The following ZNF841 variants were observed in gnomAD, a reference collection of about 807,000 sequenced individuals.
The protein encoded by ZNF841 is TCONS_00006091.
ZNF841 carries 11 observed loss-of-function variants against 13.0 expected under a neutral mutation model. The ratio of observed to expected loss-of-function variants is 0.85; its 90% CI spans 0.53 to 1.40. The LOEUF (loss-of-function observed/expected upper bound fraction) is 1.40, where lower values mean the gene tolerates loss of function less well. Ranked by LOEUF, ZNF841 falls within the 40% of genes most tolerant of loss-of-function variation. The probability of loss-of-function intolerance (pLI) is 0.00; values close to 1 mark genes in which losing one functional copy is unlikely to be tolerated. For synonymous variants in ZNF841, 369 were observed against 381.6 expected, an observed-to-expected ratio of 0.97 and a Z score of 0.38; for missense variants, 1,068 against 1,139.5, an observed-to-expected ratio of 0.94 and a Z score of 0.90.
At position 52,076,044 on chromosome 19, in the gene ZNF841, C is replaced by T. The variant is rs1034183452; in HGVS notation, c.271G>A (p.Gly91Ser). Residue 91 changes from glycine to serine, a missense_variant and splice_region_variant, in exon 6 of 7, where the codon GGT becomes AGT. Gly to Ser is a moderately conservative substitution (Grantham distance 56, BLOSUM62 0). Transcript: ENST00000594440. ...CGECMKGVIT[G>S]ISPKCVIKEL... ...CCATTGTGCCCATCTGAGCTCTTAC[C>T]GGTGATCACGCCTTTCATGCATTCC... The T allele has an allele frequency of 1.8e-5, 28 of 1,552,094 alleles. No homozygotes were observed. Among genetic ancestry groups the T allele is most frequent in the Middle Eastern group, 1.7e-4 (1 of 6,004 alleles).
chr19:52,075,962 C>G, intron 6 of ZNF841, 82 bp downstream of exon 6: 1 of 1,471,116 alleles, frequency 6.8e-7, no homozygotes, highest in Non-Finnish European at 9.1e-7. Flanking sequence ...AAATTTGTTT[C>G]CCCACAGAAC....
rs189598025 is a variant in ZNF841 at position 52,072,420 on chromosome 19, C to T, written c.271+3624G>A. The stretch of plus-strand genomic sequence containing the variant: ...ATGAAACATTTTTCAAAAGAAATAT[C>T]GGAAAAGAAAAAAAATTTTAAACTT... On this transcript the variant is annotated intron_variant, in intron 6 of 6. Coordinates refer to ENST00000594440, the MANE Select transcript of ZNF841 (RefSeq NM_001136499.2). 7.2e-5 allele frequency among the ~76,000 whole-genome samples: 11 copies of T among 151,942 alleles called. No homozygotes were observed. In the East Asian group the frequency reaches 1.7e-3, roughly 24 times the overall value.
rs1467049751 is a variant in ZNF841, at chr19:52,095,672, A to G, written c.-367T>C. On this transcript the variant is annotated 5_prime_UTR_variant, in exon 1 of 7. Coordinates refer to ENST00000594440, the MANE Select transcript of ZNF841 (RefSeq NM_001136499.2). The stretch of plus-strand genomic sequence containing the variant: ...GGACTGCGAAGTGCACGTTTAATCA[A>G]GGTAGACGAAGAGAAGCAAACGTTT... 1.3e-5 allele frequency: 2 copies of G among 152,300 alleles called. No homozygotes were observed. The highest frequency in any genetic ancestry group is 6.5e-5 in the Admixed American group (1 of 15,274). 9.4% of individuals were successfully genotyped at this position (152,300 alleles called of 1,614,324 possible). A position where few individuals can be genotyped will look rare whatever the true frequency, so the allele number is the denominator to read the frequency against.
chr19:52,059,368 A>T, the ZNF841 span, among the ~76,000 whole-genome samples: 755 of 89,922 alleles, frequency 8.4e-3, 3 homozygotes, highest in Middle Eastern at 0.015. Context: ...AAAAAAAAAA[A>T]AAATATATAT....
chr19:52,071,213 T>C (rs934290259), intron 6 of ZNF841, among the ~76,000 whole-genome samples: 3 of 152,216 alleles, frequency 2.0e-5, no homozygotes, highest in Admixed American at 6.5e-5. Flanking sequence ...GTCTCTATAA[T>C]ATTTGCTATG....
At position 52,065,125 on chromosome 19, in the gene ZNF841, G is replaced by C; in HGVS notation, c.2757C>G (p.Thr919=). The C allele has an allele frequency of 6.5e-7, 1 of 1,539,462 alleles. No individual in the cohort carries two copies. The highest frequency in any genetic ancestry group is 8.7e-7 in the Non-Finnish European group (1 of 1,145,948). The change falls in exon 7 of 7, where the codon ACC becomes ACG. Residue 919 remains threonine (T), a synonymous_variant. Coordinates refer to ENST00000594440, the MANE Select transcript of ZNF841 (RefSeq NM_001136499.2). ...NVERPLDVVL[T]SGIPK is the part of the protein sequence containing the mutation. The stretch of plus-strand genomic sequence containing the variant: ...GTATAAATTATTTGGGGATCCCAGA[G>C]GTTAGGACAACATCTAACGGCCTTT...
In ZNF841 at chr19:52,066,427, G is replaced by A; in HGVS notation, c.1455C>T (p.Tyr485=). The change falls in exon 7 of 7, where the codon TAC becomes TAT. Residue 485 remains tyrosine (Y), a synonymous_variant. Coordinates refer to ENST00000594440, the MANE Select transcript of ZNF841 (RefSeq NM_001136499.2). The stretch of plus-strand genomic sequence containing the variant: ...AGACCTTGCCACATTCATTACATTT[G>A]TAGGGTTTCTCTCCAGTATGAATTC... ...HRRIHTGEKP[Y]KCNECGKVFS... is the part of the protein sequence containing the mutation. 1 of 1,613,964 alleles carries A rather than the reference G, an allele frequency of 6.2e-7. No homozygotes were observed. Among genetic ancestry groups the A allele is most frequent in the Non-Finnish European group, 8.5e-7 (1 of 1,179,976 alleles).
rs541109044 is a variant in ZNF841 at position 52,065,111 on chromosome 19, T to C, written c.2771A>G (p.Lys924Arg). ...LDVVLTSGIP[K>R] is the part of the protein sequence containing the mutation. ...AGCTATATGAGTAAGTATAAATTAT[T>C]TGGGGATCCCAGAGGTTAGGACAAC... Residue 924 changes from lysine (K) to arginine (R), a missense_variant, in exon 7 of 7, where the codon AAA (lysine) becomes AGA (arginine). Lys to Arg is a conservative substitution (Grantham distance 26). Transcript: ENST00000594440. The C allele has an allele frequency of 5.3e-6, 8 of 1,512,878 alleles. No individual in the cohort carries two copies. In the African/African-American group the frequency reaches 9.8e-5, roughly 18 times the overall value. The allele number at this position is 1,512,878 out of a possible 1,614,324, so 93.7% of individuals were successfully genotyped here.
chr19:52,076,174 T>C lies in ZNF841; in HGVS notation c.143-2A>G. The C allele has an allele frequency of 5.2e-6, 8 of 1,551,210 alleles. No homozygotes were observed. The highest frequency in any genetic ancestry group is 7.0e-6 in the Non-Finnish European group (8 of 1,146,934). On this transcript the variant is annotated splice_acceptor_variant, in intron 5 of 6. Coordinates refer to ENST00000594440, the MANE Select transcript of ZNF841 (RefSeq NM_001136499.2). LOFTEE classifies it high-confidence loss of function. ...TATTCAGGTCAGGAAGACAGAGTCCTGCTTATAAAAAAAGAAAGAAGATGT... is the reference window on the plus strand; with the variant it reads ...TATTCAGGTCAGGAAGACAGAGTCCCGCTTATAAAAAAAGAAAGAAGATGT...
chr19:52,072,827 A>G (rs911571131), intron 6 of ZNF841, among the ~76,000 whole-genome samples: 1 of 152,228 alleles, frequency 6.6e-6, no homozygotes, highest in Non-Finnish European at 1.5e-5. Flanking sequence ...CTCAAAAAAC[A>G]AAAACAAACA....
the ZNF841 span, among the ~76,000 whole-genome samples, chr19:52,059,390 T>TATATATATATAC: frequency 0.011 from 1,051 of 95,666 alleles, 14 homozygotes; most frequent in Middle Eastern, 0.025. Context: ...TATATATATA[T>TATATATATATAC]ACACACACAC....
In ZNF841 at chr19:52,064,641, C is replaced by G. The variant is rs201265834; in HGVS notation, c.*466G>C. The stretch of plus-strand genomic sequence containing the variant: ...GAGGGAGGTGCCATTCACTTTCGTG[C>G]GTGCGTGTGCGTGATGGAGTCTCAC... On this transcript the variant is annotated 3_prime_UTR_variant, in exon 7 of 7. Transcript: ENST00000594440. The G allele has an allele frequency of 1.9e-5, 3 of 154,032 alleles. No homozygotes were observed. The highest frequency in any genetic ancestry group is 7.2e-5 in the African/African-American group (3 of 41,486). The allele number at this position is 154,032 out of a possible 1,614,324, so 9.5% of individuals were successfully genotyped here.
At position 52,076,971 on chromosome 19, in the gene ZNF841, G is replaced by C. The variant is rs968360918; in HGVS notation, c.129C>G (p.Asn43Lys). The change falls in exon 5 of 7, where the codon AAC (asparagine) becomes AAG (lysine). Residue 43 changes from asparagine to lysine, a missense_variant. Transcript: ENST00000594440. Reference protein sequence around the residue: ...YRDVMLENYRNLGFLGLCLPD... With the variant: ...YRDVMLENYRKLGFLGLCLPD... ...AACTATCCTCACCCAGGAAGCCGAG[G>C]TTCCTGTAGTTCTCCAACATCACGT... The C allele has an allele frequency of 6.2e-7, 1 of 1,612,982 alleles. No individual in the cohort carries two copies. The highest frequency in any genetic ancestry group is 1.7e-5 in the Admixed American group (1 of 59,988).
At chr19:52,090,675 G>GAAAGAAAA (rs1399293658) in intron 2 of ZNF841, among the ~76,000 whole-genome samples, 1 of 139,912 alleles carries the variant, frequency 7.1e-6, no homozygotes, top group African/African-American at 2.7e-5. Flanking sequence ...AAGAAAGAAA[G>GAAAGAAAA]AAAGAAAGAA....
At chr19:52,079,434 A>T (rs1217775802) in intron 4 of ZNF841, among the ~76,000 whole-genome samples, 45 of 145,782 alleles carry the variant, frequency 3.1e-4, no homozygotes, top group African/African-American at 1.2e-3. Flanking sequence ...AAATCTGTAA[A>T]AAAAAAAAAA....
the ZNF841 span, among the ~76,000 whole-genome samples, chr19:52,059,370 A>AAAAAAAATATAT: frequency 1.0e-4 from 7 of 69,648 alleles, no homozygotes; most frequent in African/African-American, 5.7e-4. Flanking sequence ...AAAAAAAAAA[A>AAAAAAAATATAT]ATATATATAT....
Position 52,084,855 on chromosome 19 carries a change from T to A in ZNF841, c.-54A>T, listed in dbSNP as rs975431208. The A allele has an allele frequency of 6.4e-7, 1 of 1,562,476 alleles. No individual in the cohort carries two copies. The highest frequency in any genetic ancestry group is 1.4e-5 in the African/African-American group (1 of 72,326). On this transcript the variant is annotated 5_prime_UTR_variant, in exon 4 of 7. Transcript: ENST00000594440. ...TCCTGGGCCTCTCTCTCAGTCAATA[T>A]AATTAATTCTTTAAAAGTCAAATCT...
chr19:52,084,744 A>G, intron 4 of ZNF841, 43 bp downstream of exon 4: 2 of 1,607,988 alleles, frequency 1.2e-6, no homozygotes, highest in Non-Finnish European at 1.7e-6. Flanking sequence ...CTGCATTTCA[A>G]AAAGGGAGGA....
Position 52,066,212 on chromosome 19 carries a change from G to A in ZNF841, c.1670C>T (p.Ser557Leu), listed in dbSNP as rs771279769. Residue 557 changes from serine to leucine, a missense_variant, in exon 7 of 7, where the codon TCG (serine) becomes TTG (leucine). By Grantham distance (145) the Ser-to-Leu change is moderately radical (BLOSUM62 -2). Coordinates refer to ENST00000594440, the MANE Select transcript of ZNF841 (RefSeq NM_001136499.2). ...GKVFNYGGYL[S>L]VHMRCHTGEK... ...TCCAGTATGACATCTCATATGAACC[G>A]AAAGGTATCCACCGTAATTAAAGAC... The A allele has an allele frequency of 2.5e-5, 41 of 1,613,730 alleles. No homozygotes were observed. Among genetic ancestry groups the A allele is most frequent in the African/African-American group, 4.0e-5 (3 of 74,862 alleles).
Sources: gnomAD v4.1 joint callset for allele counts (sites outside exome capture counted in the v4.1 genomes callset) on GRCh38, gnomAD v4.1.1 for gene constraint, MANE v1.5 for transcripts, NCBI Gene and HGNC (gene_info 2026-07-23, HGNC 2026-07-21) for gene names.